The following RANBP17 variants were observed in gnomAD, a reference collection of about 807,000 sequenced individuals.
RANBP17 encodes the protein ran-binding protein 17.
In RANBP17, 158 loss-of-function variants were observed where a neutral mutation model predicts 141.2. The observed-to-expected ratio is 1.12, with a 90% CI of 0.98 to 1.28. The LOEUF (loss-of-function observed/expected upper bound fraction) is 1.28. RANBP17 is among the 50% of genes most tolerant of loss of function. The pLI is 0.00. For missense variants in RANBP17, 1,438 were observed against 1,290.7 expected (o/e 1.11, Z -1.75); for synonymous variants, 430 against 450.0 (o/e 0.96, Z 0.56).
intron 14 of RANBP17, among the ~76,000 whole-genome samples, chr5:171,047,315 G>A (rs1477780208): frequency 6.6e-6 from 1 of 151,148 alleles, no homozygotes; most frequent in African/African-American, 2.4e-5. Context: ...ACTGCACTTG[G>A]CCTTATTTTG....
intron 14 of RANBP17, among the ~76,000 whole-genome samples, chr5:171,001,133 C>T (rs1480190977): frequency 6.6e-6 from 1 of 151,974 alleles, no homozygotes; most frequent in East Asian, 1.9e-4. Context: ...AGAGAATGGG[C>T]AATGTTTCTC....
chr5:171,159,177 C>A (rs1759116025), intron 14 of RANBP17, among the ~76,000 whole-genome samples: 1 of 152,144 alleles, frequency 6.6e-6, no homozygotes, highest in African/African-American at 2.4e-5. Flanking sequence ...TGGTTTCAAC[C>A]AGATCATCTT....
At chr5:171,190,530 AGAAAAAAATG>A (rs1288390786) in intron 18 of RANBP17, among the ~76,000 whole-genome samples, 1 of 152,150 alleles carries the variant, frequency 6.6e-6, no homozygotes, top group Non-Finnish European at 1.5e-5. Context: ...CTTCACGTGC[AGAAAAAAATG>A]GATGACCAAC....
At chr5:171,256,751 A>C (rs1332244066) in intron 24 of RANBP17, among the ~76,000 whole-genome samples, 1 of 152,156 alleles carries the variant, frequency 6.6e-6, no homozygotes, top group Non-Finnish European at 1.5e-5. Context: ...AGAAATATGA[A>C]AGATCATCAG....
intron 25 of RANBP17, among the ~76,000 whole-genome samples, chr5:171,275,166 A>G (rs564803580): frequency 2.0e-4 from 30 of 152,304 alleles, no homozygotes; most frequent in Admixed American, 7.2e-4. Flanking sequence ...TCCAGTCTCC[A>G]AGTCATTTAT....
At chr5:171,057,934 G>T (rs1783518297) in intron 14 of RANBP17, among the ~76,000 whole-genome samples, 1 of 152,114 alleles carries the variant, frequency 6.6e-6, no homozygotes, top group African/African-American at 2.4e-5. Flanking sequence ...TTGGAGGTGA[G>T]ATTTGGGTGG....
At chr5:171,084,100 A>C (rs1303021087) in intron 14 of RANBP17, among the ~76,000 whole-genome samples, 1 of 134,202 alleles carries the variant, frequency 7.5e-6, no homozygotes, top group East Asian at 2.5e-4. Context: ...TCCCAATGCT[A>C]TCCCTCCCCC....
chr5:170,968,622 T>C (rs1250314660), intron 14 of RANBP17: 2 of 549,588 alleles, frequency 3.6e-6, no homozygotes, highest in South Asian at 1.6e-5. Context: ...CATTAAACAG[T>C]TGAGATTATT....
intron 14 of RANBP17, among the ~76,000 whole-genome samples, chr5:171,096,346 G>A: frequency 6.6e-6 from 1 of 152,144 alleles, no homozygotes; most frequent in Non-Finnish European, 1.5e-5. Flanking sequence ...ACTTATTGTT[G>A]TCTGTCTTCC....
At chr5:171,250,000 A>T (rs1765454437) in intron 24 of RANBP17, among the ~76,000 whole-genome samples, 1 of 152,228 alleles carries the variant, frequency 6.6e-6, no homozygotes, top group African/African-American at 2.4e-5. Flanking sequence ...GCAAATCCTT[A>T]AAACTGCAAA....
intron 14 of RANBP17, among the ~76,000 whole-genome samples, chr5:171,005,104 T>C (rs1779497625): frequency 6.6e-6 from 1 of 152,128 alleles, no homozygotes; most frequent in Non-Finnish European, 1.5e-5. Flanking sequence ...TGTCAGGAGC[T>C]GACTGGGTGA....
chr5:171,289,534 T>C (rs1386754378), intron 25 of RANBP17, among the ~76,000 whole-genome samples: 2 of 151,958 alleles, frequency 1.3e-5, no homozygotes, highest in African/African-American at 4.8e-5. Flanking sequence ...GGCCAAGAAT[T>C]GGAGACCAGC....
At chr5:170,926,927 A>G (rs1373778669) in intron 12 of RANBP17, among the ~76,000 whole-genome samples, 1 of 152,012 alleles carries the variant, frequency 6.6e-6, no homozygotes, top group Non-Finnish European at 1.5e-5. Flanking sequence ...TTTTATAGCT[A>G]TTTTCATAAT....
rs541530028 is a variant in RANBP17 at position 171,091,418 on chromosome 5, G to A, written c.1711-78712G>A. On this transcript the variant is annotated intron_variant, in intron 14 of 27. Coordinates refer to ENST00000523189, the MANE Select transcript of RANBP17 (RefSeq NM_022897.5). Reference sequence around the variant, plus strand: ...TCTAGGAAATAACTAACTTGCTTTTGATTTTACAGGCTCATAGGCAGAAGG... The same window carrying A: ...TCTAGGAAATAACTAACTTGCTTTTAATTTTACAGGCTCATAGGCAGAAGG... Among the ~76,000 whole-genome samples the A allele has an allele frequency of 3.9e-5, 6 of 152,196 alleles. No individual in the cohort carries two copies. In the South Asian group the frequency reaches 1.0e-3, roughly 26 times the overall value.
intron 14 of RANBP17, among the ~76,000 whole-genome samples, chr5:170,978,855 AT>A (rs1013214480): frequency 2.0e-5 from 3 of 152,002 alleles, no homozygotes; most frequent in South Asian, 2.1e-4. Context: ...GCCTCAATTA[AT>A]TTTTTTTACA....
intron 14 of RANBP17, among the ~76,000 whole-genome samples, chr5:171,111,464 GT>G (rs1372667216): frequency 6.6e-6 from 1 of 151,806 alleles, no homozygotes; most frequent in African/African-American, 2.4e-5. Context: ...CTCTTAATGG[GT>G]TCCCCTAATT....
At chr5:170,866,016 T>G (rs1000354913) in intron 1 of RANBP17, among the ~76,000 whole-genome samples, 1 of 152,082 alleles carries the variant, frequency 6.6e-6, no homozygotes, top group Non-Finnish European at 1.5e-5. Context: ...TATACAGGGT[T>G]TTTACTGGGG....
At chr5:170,947,231 ACCTTT>A (rs1402204511) in intron 12 of RANBP17, among the ~76,000 whole-genome samples, 4 of 152,128 alleles carry the variant, frequency 2.6e-5, no homozygotes, top group East Asian at 1.9e-4. Context: ...GGTAATGTTA[ACCTTT>A]CCTTTCCTTT....
At chr5:171,058,242 T>C (rs199823647) in intron 14 of RANBP17, among the ~76,000 whole-genome samples, 30 of 151,218 alleles carry the variant, frequency 2.0e-4, no homozygotes, top group African/African-American at 7.1e-4. Flanking sequence ...ACATATGCCA[T>C]GCTGGTGTGC....
Sources: allele counts gnomAD v4.1 joint callset (sites outside exome capture counted in the v4.1 genomes callset), GRCh38; gene constraint gnomAD v4.1.1; transcripts MANE v1.5; gene names NCBI Gene and HGNC (gene_info 2026-07-23, HGNC 2026-07-21).